The following CCDC136 variants were observed in gnomAD, a reference collection of about 807,000 sequenced individuals.
The protein encoded by CCDC136 is coiled-coil domain containing 136.
CCDC136 carries 100 observed loss-of-function variants against 141.2 expected under a neutral mutation model. That is an observed-to-expected ratio of 0.71 (90% CI 0.60 to 0.84). CCDC136 has a LOEUF of 0.84. CCDC136 is among the 40% of genes least tolerant of loss of function. The probability of loss-of-function intolerance (pLI) is 0.00; values close to 1 mark genes in which losing one functional copy is unlikely to be tolerated. For synonymous variants in CCDC136, 474 were observed against 531.9 expected (o/e 0.89, Z 1.50); for missense variants, 1,206 against 1,379.4 (o/e 0.87, Z 1.99).
At position 128,810,239 on chromosome 7, in the gene CCDC136, G is replaced by T. The variant is rs1295636510; in HGVS notation, c.1901G>T (p.Cys634Phe). 6.2e-7 allele frequency: 1 copy of T among 1,613,124 alleles called. No individual in the cohort carries two copies. Residue 634 changes from cysteine (C) to phenylalanine (F), a missense_variant, in exon 12 of 18, where the codon TGT (cysteine) becomes TTT (phenylalanine). Coordinates refer to ENST00000297788, the MANE Select transcript of CCDC136 (RefSeq NM_022742.5). ...EQKKLIQNQD[C>F]VLKEQLEIHE... ...AAGAAGCTGATACAGAACCAAGACTGTGTATTAAAAGAACAATTAGAGATC... is the reference window on the plus strand; with the variant it reads ...AAGAAGCTGATACAGAACCAAGACTTTGTATTAAAAGAACAATTAGAGATC...
Position 128,794,680 on chromosome 7 carries a change from C to T in CCDC136, c.272-14C>T. 6.5e-7 allele frequency: 1 copy of T among 1,548,882 alleles called. No individual in the cohort carries two copies. ...CTGGATCCGAGCTTGACACTGGTGC[C>T]CCTCTCCCTGCAGGGCTCCTGGAGG... On this transcript the variant is annotated splice_polypyrimidine_tract_variant and intron_variant, in intron 2 of 17. Coordinates refer to ENST00000297788, the MANE Select transcript of CCDC136 (RefSeq NM_022742.5). The surrounding 1 kb of genome is among the most constrained non-coding windows in gnomAD (Gnocchi z 4.3).
At chr7:128,798,926 T>C (rs1328233747) in intron 3 of CCDC136, among the ~76,000 whole-genome samples, 1 of 149,752 alleles carries the variant, frequency 6.7e-6, no homozygotes, top group Non-Finnish European at 1.5e-5. Context: ...ACATGTGAGC[T>C]CAGGGGAGCA....
intron 1 of CCDC136, among the ~76,000 whole-genome samples, chr7:128,793,495 T>C (rs1802505847): frequency 6.6e-6 from 1 of 152,222 alleles, no homozygotes. Flanking sequence ...GTTTGTCCAA[T>C]GAAACCTCTA....
At position 128,821,296 on chromosome 7, in the gene CCDC136, T is replaced by C. The variant is rs1807405544; in HGVS notation, c.*6-503T>C. ...AACCAATGTCATTCTCTGTCAAAGT[T>C]TGTCTGCCTAAGAACCTCCTACTTA... On this transcript the variant is annotated intron_variant, in intron 17 of 17. Transcript: ENST00000297788. This position sits in a 1 kb window ranked among gnomAD's most constrained non-coding sequence, Gnocchi z 5.1. Among the ~76,000 whole-genome samples, 1 of 152,190 alleles carries C rather than the reference T, an allele frequency of 6.6e-6. No homozygotes were observed. Among genetic ancestry groups the C allele is most frequent in the Non-Finnish European group, 1.5e-5 (1 of 68,024 alleles).
rs1199880112 is a variant in CCDC136 at position 128,815,662 on chromosome 7, G to A, written c.3094G>A (p.Gly1032Arg). ...YYKASQRKLD[G>R]LAKEEEKKEE... ...CAAGGCCAGCCAGAGGAAATTAGAT[G>A]GACTAGCAAAAGAGGAGGAAAAGAA... The change falls in exon 16 of 18, where the codon GGA becomes AGA. Residue 1032 changes from glycine (G) to arginine (R), a missense_variant. Physicochemically the swap from Gly to Arg is moderately radical, Grantham distance 125. Transcript: ENST00000297788. 1 of 1,555,974 alleles carries A rather than the reference G, an allele frequency of 6.4e-7. No individual in the cohort carries two copies. The highest frequency in any genetic ancestry group is 8.7e-7 in the Non-Finnish European group (1 of 1,149,484).
At chr7:128,796,740 T>TATATATATATATATA (rs61079649) in intron 3 of CCDC136, among the ~76,000 whole-genome samples, 19 of 124,702 alleles carry the variant, frequency 1.5e-4, no homozygotes, top group African/African-American at 5.2e-4. Context: ...TATATATATA[T>TATATATATATATATA]TCTTTTTTTT....
At chr7:128,814,165 A>G (rs1206357271) in intron 14 of CCDC136, among the ~76,000 whole-genome samples, 1 of 151,140 alleles carries the variant, frequency 6.6e-6, no homozygotes, top group Non-Finnish European at 1.5e-5. Flanking sequence ...AGCTTCCTGC[A>G]ACCTCCGCCT....
chr7:128,796,482 C>T (rs1802965187), intron 3 of CCDC136, among the ~76,000 whole-genome samples: 3 of 151,928 alleles, frequency 2.0e-5, no homozygotes, highest in Non-Finnish European at 2.9e-5. Flanking sequence ...TCTTGTAGGC[C>T]AGCCAAGAGG....
At position 128,806,248 on chromosome 7, in the gene CCDC136, G is replaced by A; in HGVS notation, c.1101G>A (p.Leu367=). The change falls in exon 8 of 18, where the codon CTG becomes CTA. Residue 367 remains leucine, a synonymous_variant. Transcript: ENST00000297788. ...TSHSVTQNEE[L]KSRLCTLQKK... ...CCTCCCTACCACAGAATGAGGAGCT[G>A]AAGTCCAGACTCTGTACCCTGCAGA... 1 of 1,565,798 alleles carries A rather than the reference G, an allele frequency of 6.4e-7. No homozygotes were observed. The highest frequency in any genetic ancestry group is 1.2e-5 in the South Asian group (1 of 84,612).
intron 17 of CCDC136, among the ~76,000 whole-genome samples, chr7:128,820,594 CTTAGTT>C (rs1185996854): frequency 3.9e-5 from 6 of 152,262 alleles, no homozygotes; most frequent in Non-Finnish European, 7.4e-5. Context: ...TAGCTCCCTT[CTTAGTT>C]TTTGTTTTTG....
rs755592065 is a variant in CCDC136 at position 128,817,851 on chromosome 7, T to G, written c.3457T>G (p.Ser1153Ala). 9.3e-6 allele frequency: 15 copies of G among 1,613,424 alleles called. No homozygotes were observed. Among genetic ancestry groups the G allele is most frequent in the Non-Finnish European group, 8.5e-7 (1 of 1,179,504 alleles). ...GCTCTGGTGCTGGTGGGCTGAGACG[T>G]CGTCCTAATGCAGGTACTGGTATTG... Reference protein sequence around the residue: ...ALLWCWWAETSS With the variant: ...ALLWCWWAETAS The change falls in exon 17 of 18, where the codon TCG becomes GCG. Residue 1153 changes from serine to alanine, a missense_variant. Physicochemically the swap from Ser to Ala is moderately conservative, Grantham distance 99. Transcript: ENST00000297788. This position sits in a 1 kb window ranked among gnomAD's most constrained non-coding sequence, Gnocchi z 4.6.
Position 128,807,542 on chromosome 7 carries a change from TA to T in CCDC136, c.1604del (p.Lys535SerfsTer9). 1 of 1,429,740 alleles carries T rather than the reference TA, an allele frequency of 7.0e-7. No homozygotes were observed. Among genetic ancestry groups the T allele is most frequent in the African/African-American group, 1.5e-5 (1 of 68,424 alleles). 88.6% of individuals were successfully genotyped at this position (1,429,740 alleles called of 1,614,324 possible). A position where few individuals can be genotyped will look rare whatever the true frequency, so the allele number is the denominator to read the frequency against. ...IPEDKGKCAN[K>X]CDTLLSRLTE... ...CGGAGGACAAAGGAAAGTGTGCTAA[TA>T]AGGTAATTGTCGTTCAGAGAGGTGA... On this transcript the variant is annotated frameshift_variant and splice_region_variant, in exon 10 of 18. Transcript: ENST00000297788. LOFTEE classifies it high-confidence loss of function.
At position 128,805,898 on chromosome 7, in the gene CCDC136, C is replaced by A. The variant is rs750535928; in HGVS notation, c.1086C>A (p.Thr362=). Residue 362 remains threonine (T), a synonymous_variant, in exon 7 of 18, where the codon ACC becomes ACA. Transcript: ENST00000297788. This position sits in a 1 kb window ranked among gnomAD's most constrained non-coding sequence, Gnocchi z 4.6. ...VLRFQTSHSV[T]QNEELKSRLC... is the part of the protein sequence containing the mutation. ...GGTTTCAGACCTCCCACAGTGTCAC[C>A]CAGGTAAACACTGCCCGGGGAGGCA... The A allele has an allele frequency of 1.2e-6, 2 of 1,613,746 alleles. No individual in the cohort carries two copies. The highest frequency in any genetic ancestry group is 1.7e-6 in the Non-Finnish European group (2 of 1,179,878).
At chr7:128,815,524 C>G in intron 15 of CCDC136, 90 bp from the exon 16 acceptor site, 2 of 1,386,660 alleles carry the variant, frequency 1.4e-6, no homozygotes, top group Non-Finnish European at 1.9e-6. Context: ...TGCTGGAAGT[C>G]ATGTTTCCTG....
chr7:128,814,172 G>A (rs1049766211), intron 14 of CCDC136, among the ~76,000 whole-genome samples: 3 of 150,902 alleles, frequency 2.0e-5, no homozygotes, highest in Middle Eastern at 6.8e-3. Context: ...TGCAACCTCC[G>A]CCTCCTGGGT....
At chr7:128,809,193 C>A in intron 10 of CCDC136, 2 of 405,660 alleles carry the variant, frequency 4.9e-6, no homozygotes, top group Admixed American at 4.3e-5. Flanking sequence ...CAAACTGCCC[C>A]CAGAAAGGAA....
chr7:128,791,344 C>T (rs113993061), upstream of CCDC136: 76 of 427,440 alleles, frequency 1.8e-4, no homozygotes, highest in Non-Finnish European at 1.7e-4. The surrounding 1 kb of genome is among the most constrained non-coding windows in gnomAD (Gnocchi z 7.1). Flanking sequence ...TTCCGGGCGG[C>T]GGCGAGCGGC....
At chr7:128,796,999 C>G (rs1400208008) in intron 3 of CCDC136, among the ~76,000 whole-genome samples, 1 of 151,872 alleles carries the variant, frequency 6.6e-6, no homozygotes, top group African/African-American at 2.4e-5. Flanking sequence ...CCTCGGCCTC[C>G]CAAAGTGCTG....
Position 128,794,214 on chromosome 7 carries a change from C to A in CCDC136, c.17-134C>A. On this transcript the variant is annotated intron_variant, in intron 1 of 17. Transcript: ENST00000297788. The surrounding 1 kb of genome is among the most constrained non-coding windows in gnomAD (Gnocchi z 4.3). ...ACTCATCTTGAGTACAGGTCTTGCC[C>A]CGGGGCTCCTTGGGGGACACCAGGT... is the stretch of plus-strand genomic sequence containing the variant. 7.9e-7 allele frequency: 1 copy of A among 1,262,206 alleles called. No homozygotes were observed. Among genetic ancestry groups the A allele is most frequent in the Non-Finnish European group, 1.1e-6 (1 of 890,730 alleles). 78.2% of individuals were successfully genotyped at this position (1,262,206 alleles called of 1,614,324 possible). A position where few individuals can be genotyped will look rare whatever the true frequency, so the allele number is the denominator to read the frequency against.
Sources: gnomAD v4.1 joint callset for allele counts (sites outside exome capture counted in the v4.1 genomes callset) on GRCh38, gnomAD v4.1.1 for gene constraint, Gnocchi (gnomAD v3.1) non-coding constraint, MANE v1.5 for transcripts, NCBI Gene and HGNC (gene_info 2026-07-23, HGNC 2026-07-21) for gene names.